VAV2: variants seen among roughly 807,000 people sequenced by gnomAD.
VAV2 encodes guanine nucleotide exchange factor VAV2.
A neutral mutation model predicts 132.5 loss-of-function variants in VAV2; 67 were observed. The observed-to-expected ratio is 0.51, with a 90% CI of 0.42 to 0.62. The LOEUF (loss-of-function observed/expected upper bound fraction) is 0.62, where lower values mean the gene tolerates loss of function less well. Among genes scored for constraint, VAV2 ranks in the 20% least tolerant of loss-of-function variants. The pLI, the probability that VAV2 is intolerant of heterozygous loss-of-function variation, is 0.00. For missense variants in VAV2, 938 were observed against 1,153.6 expected, an observed-to-expected ratio of 0.81 and a Z score of 2.71; for synonymous variants, 492 against 443.5, an observed-to-expected ratio of 1.11 and a Z score of -1.37.
chr9:133,898,138 C>A (rs1297078964), intron 2 of VAV2, among the ~76,000 whole-genome samples: 1 of 152,062 alleles, frequency 6.6e-6, no homozygotes, highest in Non-Finnish European at 1.5e-5. Context: ...GGAGGGACCT[C>A]GGAGATGGGC....
At chr9:133,856,097 A>G (rs996566686) in intron 3 of VAV2, among the ~76,000 whole-genome samples, 1 of 152,198 alleles carries the variant, frequency 6.6e-6, no homozygotes, top group African/African-American at 2.4e-5. Flanking sequence ...AACATCCAGA[A>G]CAGGCAAACA....
chr9:133,952,261 C>T (rs1841585305), intron 1 of VAV2, among the ~76,000 whole-genome samples: 1 of 152,074 alleles, frequency 6.6e-6, no homozygotes, highest in Non-Finnish European at 1.5e-5. Flanking sequence ...CCTGAGAAGC[C>T]TATTTGTGAC....
At chr9:133,981,525 G>A (rs1053551151) in intron 1 of VAV2, among the ~76,000 whole-genome samples, 4 of 152,232 alleles carry the variant, frequency 2.6e-5, no homozygotes, top group Non-Finnish European at 4.4e-5. Context: ...GTGAGCCGCC[G>A]GGCTCGGGGT....
chr9:133,870,214 G>A (rs1279202867), intron 2 of VAV2, among the ~76,000 whole-genome samples: 1 of 152,218 alleles, frequency 6.6e-6, no homozygotes, highest in Non-Finnish European at 1.5e-5. Flanking sequence ...TGGCAGGGCT[G>A]TGGGGCCCAA....
At position 133,879,168 on chromosome 9, in the gene VAV2, G is replaced by C. The variant is rs1200651054; in HGVS notation, c.322-17736C>G. On this transcript the variant is annotated intron_variant, in intron 2 of 29. Transcript: ENST00000371850. The surrounding 1 kb of genome is among the most constrained non-coding windows in gnomAD (Gnocchi z 4.4). ...GCTGCAGACTCGCAGCAGTGCCGGA[G>C]CTCTCTGCGCCCCAGGCCCTCCTCT... 6.6e-6 allele frequency among the ~76,000 whole-genome samples: 1 copy of C among 152,212 alleles called. No individual in the cohort carries two copies. The highest frequency in any genetic ancestry group is 1.5e-5 in the Non-Finnish European group (1 of 68,034).
chr9:133,936,260 T>TA (rs1472338567), intron 2 of VAV2, among the ~76,000 whole-genome samples: 3 of 149,394 alleles, frequency 2.0e-5, no homozygotes, highest in African/African-American at 7.5e-5. Flanking sequence ...TTTTTTTTTT[T>TA]AAGACAGAGT....
At chr9:133,851,661 A>AGGGTGGAT (rs1483668832) in intron 3 of VAV2, among the ~76,000 whole-genome samples, 1 of 143,668 alleles carries the variant, frequency 7.0e-6, no homozygotes, top group Non-Finnish European at 1.5e-5. Context: ...AATGGACAGA[A>AGGGTGGAT]GGGTGGATGG....
chr9:133,819,808 A>G (rs1000065163), intron 4 of VAV2, among the ~76,000 whole-genome samples: 1 of 152,202 alleles, frequency 6.6e-6, no homozygotes, highest in Non-Finnish European at 1.5e-5. Flanking sequence ...TGAAATTCTA[A>G]AACAGTGGAA....
chr9:133,942,424 A>T (rs1287909653), intron 1 of VAV2, among the ~76,000 whole-genome samples: 1 of 152,234 alleles, frequency 6.6e-6, no homozygotes, highest in East Asian at 1.9e-4. Context: ...TGCTGCTTAA[A>T]GCCACCACGG....
intron 2 of VAV2, among the ~76,000 whole-genome samples, chr9:133,931,125 C>T (rs1840672778): frequency 6.6e-6 from 1 of 152,180 alleles, no homozygotes; most frequent in African/African-American, 2.4e-5. Context: ...TGGGCTGGGA[C>T]ACCAGAGAAG....
chr9:133,786,055 C>T lies in VAV2; in HGVS notation c.1423-170G>A, dbSNP rs547297394. 4.4e-4 allele frequency: 307 copies of T among 690,954 alleles called. 6 individuals are homozygous for T. In the South Asian group the frequency reaches 4.6e-3, roughly 10 times the overall value. The allele number at this position is 690,954 out of a possible 1,614,324, so 42.8% of individuals were successfully genotyped here. A position where few individuals can be genotyped will look rare whatever the true frequency, so the allele number is the denominator to read the frequency against. On this transcript the variant is annotated intron_variant, in intron 16 of 29. Coordinates refer to ENST00000371850, the MANE Select transcript of VAV2 (RefSeq NM_001134398.2). ...TCTCACGTGTGTACCTGCTCTCTTG[C>T]CCATGCTGTACGTGCACACGTGCCT... is the stretch of plus-strand genomic sequence containing the variant.
intron 2 of VAV2, among the ~76,000 whole-genome samples, chr9:133,933,685 A>ATGAT (rs59561624): frequency 0.81 from 114,752 of 141,300 alleles, 47,718 homozygotes; most frequent in East Asian, 0.92. Flanking sequence ...GGATAGATGA[A>ATGAT]TGATGGATGG....
intron 4 of VAV2, among the ~76,000 whole-genome samples, chr9:133,812,988 C>G (rs1232008135): frequency 2.6e-5 from 4 of 152,214 alleles, no homozygotes; most frequent in Non-Finnish European, 4.4e-5. Flanking sequence ...AGCGGATGAG[C>G]CTGGCCCCTC....
intron 2 of VAV2, among the ~76,000 whole-genome samples, chr9:133,915,762 TACAC>T (rs150090429): frequency 1.5e-5 from 2 of 137,862 alleles, no homozygotes; most frequent in African/African-American, 5.5e-5. Context: ...GATGCACACA[TACAC>T]ACAATGCACA....
At position 133,796,421 on chromosome 9, in the gene VAV2, A is replaced by G; in HGVS notation, c.1032+8T>C. 6.2e-7 allele frequency: 1 copy of G among 1,612,222 alleles called. No individual in the cohort carries two copies. Among genetic ancestry groups the G allele is most frequent in the African/African-American group, 1.3e-5 (1 of 75,014 alleles). The stretch of plus-strand genomic sequence containing the variant: ...GACCCCGCAGGCACCCGGGGCCCAG[A>G]GCCTCACCTTCAAGAGCAGGTGGTA... On this transcript the variant is annotated splice_region_variant and intron_variant, in intron 11 of 29. Coordinates refer to ENST00000371850, the MANE Select transcript of VAV2 (RefSeq NM_001134398.2).
chr9:133,790,866 T>G (rs1048330652), intron 13 of VAV2, among the ~76,000 whole-genome samples: 1 of 152,178 alleles, frequency 6.6e-6, no homozygotes, highest in East Asian at 1.9e-4. Context: ...CCTGCCAGCT[T>G]CATGTCAGTG....
At position 133,803,105 on chromosome 9, in the gene VAV2, G is replaced by C. The variant is rs561948861; in HGVS notation, c.836+2976C>G. Among the ~76,000 whole-genome samples, 3 of 152,182 alleles carry C rather than the reference G, an allele frequency of 2.0e-5. No individual in the cohort carries two copies. The East Asian group carries it at 5.8e-4, about 29-fold the overall frequency. ...GGCTTCGGGTAGGAACCATCCACAG[G>C]GCAGCCTCACTCGTTCCAGGATTCC... On this transcript the variant is annotated intron_variant, in intron 9 of 29. Transcript: ENST00000371850.
At chr9:133,981,179 A>C (rs748396124) in intron 1 of VAV2, among the ~76,000 whole-genome samples, 2 of 152,104 alleles carry the variant, frequency 1.3e-5, no homozygotes, top group Non-Finnish European at 2.9e-5. Context: ...CATGGTCCTC[A>C]TGTGAGTATT....
chr9:133,941,435 C>G (rs960627714), intron 1 of VAV2, among the ~76,000 whole-genome samples: 2 of 151,410 alleles, frequency 1.3e-5, no homozygotes, highest in African/African-American at 4.9e-5. Context: ...AAGGTGGCTA[C>G]TGAAAACCTA....
Sources: gnomAD v4.1 joint callset for allele counts (sites outside exome capture counted in the v4.1 genomes callset) on GRCh38, gnomAD v4.1.1 for gene constraint, Gnocchi (gnomAD v3.1) non-coding constraint, MANE v1.5 for transcripts, NCBI Gene and HGNC (gene_info 2026-07-23, HGNC 2026-07-21) for gene names.